The following AOAH variants were observed in gnomAD, a reference collection of about 807,000 sequenced individuals.
AOAH encodes the protein acyloxyacyl hydrolase.
AOAH carries 64 observed loss-of-function variants against 92.2 expected under a neutral mutation model. The observed-to-expected ratio is 0.69, with a 90% CI of 0.57 to 0.86. The LOEUF (loss-of-function observed/expected upper bound fraction) is 0.86. Among genes scored for constraint, AOAH ranks in the 40% least tolerant of loss-of-function variants. The pLI, the probability that AOAH is intolerant of heterozygous loss-of-function variation, is 0.00. For synonymous variants in AOAH, 263 were observed against 254.5 expected (o/e 1.03, Z -0.32); for missense variants, 656 against 694.6 (o/e 0.94, Z 0.62).
At chr7:36,588,110 G>C (rs974205483) in intron 12 of AOAH, among the ~76,000 whole-genome samples, 1 of 152,186 alleles carries the variant, frequency 6.6e-6, no homozygotes, top group Admixed American at 6.5e-5. Context: ...AATTAATAAT[G>C]TTTTTTCTGC....
intron 2 of AOAH, among the ~76,000 whole-genome samples, chr7:36,683,966 C>G (rs1796809565): frequency 6.6e-6 from 1 of 151,660 alleles, no homozygotes; most frequent in South Asian, 2.1e-4. Context: ...TGCACTCCAG[C>G]CTGAGCAACA....
In AOAH at chr7:36,614,815, A is replaced by G. The variant is rs990848047; in HGVS notation, c.846+1565T>C. Among the ~76,000 whole-genome samples, 4 of 152,132 alleles carry G rather than the reference A, an allele frequency of 2.6e-5. No homozygotes were observed. The highest frequency in any genetic ancestry group is 7.2e-5 in the African/African-American group (3 of 41,420). ...CTCATTACCCATCCAAATAATTAGC[A>G]TGTTCCAGCACAGAGGTTTGAAGAC... is the stretch of plus-strand genomic sequence containing the variant. On this transcript the variant is annotated intron_variant, in intron 11 of 20. Coordinates refer to ENST00000617537, the MANE Select transcript of AOAH (RefSeq NM_001637.4). The surrounding 1 kb of genome is among the most constrained non-coding windows in gnomAD (Gnocchi z 4.2).
intron 4 of AOAH, among the ~76,000 whole-genome samples, chr7:36,642,730 A>T (rs889909180): frequency 1.3e-5 from 2 of 152,256 alleles, no homozygotes; most frequent in East Asian, 1.9e-4. Context: ...TGGGAGCCCA[A>T]GGAAAAGAAA....
intron 16 of AOAH, 25 bp downstream of exon 16, chr7:36,540,294 A>G (rs1157946069): frequency 1.3e-6 from 2 of 1,584,636 alleles, no homozygotes; most frequent in Non-Finnish European, 8.6e-7. Context: ...GTTATTAAAG[A>G]GTAAAAGAAT....
Position 36,673,056 on chromosome 7 carries a change from T to C in AOAH, c.290+887A>G, listed in dbSNP as rs986416491. ...GCCTGAGAATAAAGGGGAGGGACCA[T>C]AGGAGCAGAGAAAGTTATGGTCAAG... is the stretch of plus-strand genomic sequence containing the variant. On this transcript the variant is annotated intron_variant, in intron 3 of 20. Coordinates refer to ENST00000617537, the MANE Select transcript of AOAH (RefSeq NM_001637.4). 7.9e-5 allele frequency among the ~76,000 whole-genome samples: 12 copies of C among 152,178 alleles called. No individual in the cohort carries two copies. In the East Asian group the frequency reaches 2.1e-3, roughly 27 times the overall value.
At chr7:36,654,189 C>T (rs758079868) in intron 4 of AOAH, among the ~76,000 whole-genome samples, 1 of 149,754 alleles carries the variant, frequency 6.7e-6, no homozygotes, top group African/African-American at 2.4e-5. Context: ...ATGAGAGGAG[C>T]GGTAAAAATA....
chr7:36,690,002 A>G (rs1229180634), intron 1 of AOAH: 6 of 305,896 alleles, frequency 2.0e-5, no homozygotes, highest in African/African-American at 4.5e-5. Flanking sequence ...TGAAAATTCA[A>G]CTCCATCATT....
intron 1 of AOAH, among the ~76,000 whole-genome samples, chr7:36,690,397 C>A (rs1334847886): frequency 6.6e-6 from 1 of 152,164 alleles, no homozygotes; most frequent in Admixed American, 6.5e-5. Flanking sequence ...GCCATCTCCG[C>A]CTGTCTCCAG....
intron 4 of AOAH, among the ~76,000 whole-genome samples, chr7:36,651,460 G>C (rs553179412): frequency 4.6e-5 from 7 of 152,294 alleles, no homozygotes; most frequent in Non-Finnish European, 4.4e-5. Flanking sequence ...TGTGGGGATG[G>C]TACATGGTAA....
chr7:36,616,326 GA>G, intron 11 of AOAH, 53 bp downstream of exon 11: 1 of 1,447,190 alleles, frequency 6.9e-7, no homozygotes, highest in South Asian at 1.2e-5. Context: ...AGAGCAAGAG[GA>G]AACAAAAACA....
At position 36,520,487 on chromosome 7, in the gene AOAH, C is replaced by A. The variant is rs568030793; in HGVS notation, c.1599+1552G>T. ...TTGGGAGGCTGAGGCGGGCAGCTCA[C>A]CTGAGGGTGAGAGTTCGAGACCAGC... is the stretch of plus-strand genomic sequence containing the variant. On this transcript the variant is annotated intron_variant, in intron 20 of 20. Transcript: ENST00000617537. Among the ~76,000 whole-genome samples, 23 of 152,340 alleles carry A rather than the reference C, an allele frequency of 1.5e-4. No individual in the cohort carries two copies. The South Asian group carries it at 4.8e-3, about 32-fold the overall frequency.
chr7:36,625,115 G>T (rs774957943), intron 6 of AOAH, among the ~76,000 whole-genome samples: 1 of 152,118 alleles, frequency 6.6e-6, no homozygotes, highest in Non-Finnish European at 1.5e-5. Flanking sequence ...TGAAGAGGGA[G>T]CTGCAAGCTG....
chr7:36,578,323 A>G (rs544833569), intron 12 of AOAH, among the ~76,000 whole-genome samples: 17 of 152,284 alleles, frequency 1.1e-4, no homozygotes, highest in African/African-American at 3.8e-4. Flanking sequence ...AAAGAACTAA[A>G]CATTATAAAA....
intron 16 of AOAH, among the ~76,000 whole-genome samples, chr7:36,533,196 T>C (rs1330003992): frequency 6.6e-6 from 1 of 151,946 alleles, no homozygotes; most frequent in Non-Finnish European, 1.5e-5. Flanking sequence ...AATTTGACTT[T>C]CATGCTGTGG....
intron 15 of AOAH, among the ~76,000 whole-genome samples, chr7:36,544,302 T>C (rs943359409): frequency 6.6e-6 from 1 of 152,116 alleles, no homozygotes; most frequent in African/African-American, 2.4e-5. Context: ...CTGGTGATGT[T>C]TGGGGGAGAC....
At chr7:36,544,778 T>C (rs2116256084) in intron 15 of AOAH, among the ~76,000 whole-genome samples, 1 of 152,302 alleles carries the variant, frequency 6.6e-6, no homozygotes. Context: ...ATCATTTCAT[T>C]ACCCTGGCAG....
At chr7:36,653,326 A>G (rs913185699) in intron 4 of AOAH, among the ~76,000 whole-genome samples, 10 of 152,202 alleles carry the variant, frequency 6.6e-5, no homozygotes, top group Admixed American at 3.3e-4. Flanking sequence ...CAGTCTACTA[A>G]AAGAGATGCC....
At chr7:36,590,569 T>C (rs922921385) in intron 12 of AOAH, among the ~76,000 whole-genome samples, 1 of 152,196 alleles carries the variant, frequency 6.6e-6, no homozygotes, top group Admixed American at 6.5e-5. Context: ...ACAAAGAGCA[T>C]AAACAAAGAA....
rs139649492 is a variant in AOAH, at chr7:36,564,229, A to T, written c.1021+12345T>A. The stretch of plus-strand genomic sequence containing the variant: ...GCTCTCAGCTCAAATTTTAACTCGT[A>T]TGTAAAGTCTTCCCCTACTTCTACA... On this transcript the variant is annotated intron_variant, in intron 13 of 20. Transcript: ENST00000617537. Among the ~76,000 whole-genome samples the T allele has an allele frequency of 9.7e-3, 1,482 of 152,222 alleles. 17 individuals carry two copies. Among genetic ancestry groups the T allele is most frequent in the African/African-American group, 0.032 (1,344 of 41,526 alleles).
Sources: gnomAD v4.1 joint callset for allele counts (sites outside exome capture counted in the v4.1 genomes callset) on GRCh38, gnomAD v4.1.1 for gene constraint, Gnocchi (gnomAD v3.1) non-coding constraint, MANE v1.5 for transcripts, NCBI Gene and HGNC (gene_info 2026-07-23, HGNC 2026-07-21) for gene names.